Variants in CELF2 observed in about 807,000 individuals in gnomAD.
CELF2 encodes the protein CUG triplet repeat RNA-binding protein 2.
In CELF2, 8 loss-of-function variants were observed where a neutral mutation model predicts 62.6. That is an observed-to-expected ratio of 0.13 (90% CI 0.07 to 0.23). The LOEUF is 0.23. Among genes scored for constraint, CELF2 ranks in the 10% least tolerant of loss-of-function variants. The probability of loss-of-function intolerance (pLI) is 1.00; values close to 1 mark genes in which losing one functional copy is unlikely to be tolerated. For synonymous variants in CELF2, 258 were observed against 250.0 expected (o/e 1.03, Z -0.30); for missense variants, 333 against 671.0 (o/e 0.50, Z 5.56).
chr10:10,559,590 C>T, the CELF2 span, among the ~76,000 whole-genome samples: 2 of 152,058 alleles, frequency 1.3e-5, no homozygotes, highest in African/African-American at 4.8e-5. Flanking sequence ...CAGCAGTGAT[C>T]CTAATACATG....
At chr10:10,797,727 G>T (rs1053393238), upstream of CELF2, among the ~76,000 whole-genome samples, 2 of 152,206 alleles carry the variant, frequency 1.3e-5, no homozygotes, top group Non-Finnish European at 2.9e-5. Context: ...AGGAGGAAGA[G>T]CTTCAGCTGC....
chr10:11,103,860 A>G (rs1318682929), intron 1 of CELF2, among the ~76,000 whole-genome samples: 1 of 152,190 alleles, frequency 6.6e-6, no homozygotes, highest in East Asian at 1.9e-4. Flanking sequence ...GAGACATGAT[A>G]CTGTTACTGG....
intron 1 of CELF2, among the ~76,000 whole-genome samples, chr10:11,141,223 G>T (rs1385913328): frequency 6.6e-6 from 1 of 152,144 alleles, no homozygotes; most frequent in Admixed American, 6.5e-5. Flanking sequence ...CTATGCTGGG[G>T]TTACTGGATG....
intron 2 of CELF2, among the ~76,000 whole-genome samples, chr10:11,184,107 G>T (rs2074219177): frequency 6.6e-6 from 1 of 152,100 alleles, no homozygotes; most frequent in African/African-American, 2.4e-5. Context: ...ATTATTTATT[G>T]AAGTTCATCT....
the CELF2 span, among the ~76,000 whole-genome samples, chr10:10,478,374 G>A: frequency 2.6e-5 from 4 of 152,056 alleles, no homozygotes; most frequent in Admixed American, 1.3e-4. Flanking sequence ...GATTTGTGCC[G>A]ATTGATATTC....
upstream of CELF2, among the ~76,000 whole-genome samples, chr10:10,797,670 C>G (rs576205832): frequency 1.5e-3 from 224 of 152,312 alleles, no homozygotes; most frequent in African/African-American, 5.3e-3. Context: ...CCGGAAGCCA[C>G]TGGACCAGAT....
the CELF2 span, among the ~76,000 whole-genome samples, chr10:10,710,169 T>C: frequency 6.6e-6 from 1 of 152,180 alleles, no homozygotes; most frequent in Non-Finnish European, 1.5e-5. Context: ...ATGCTTTAAA[T>C]ACCAAACAAA....
intron 3 of CELF2, among the ~76,000 whole-genome samples, chr10:11,241,076 G>A (rs554678022): frequency 3.3e-5 from 5 of 152,314 alleles, no homozygotes; most frequent in African/African-American, 7.2e-5. Flanking sequence ...TGCATAAAGA[G>A]CCTGTAGAGT....
Position 11,142,041 on chromosome 10 carries a change from A to T in CELF2, c.75-23445A>T, listed in dbSNP as rs116098818. On this transcript the variant is annotated intron_variant, in intron 1 of 12. Transcript: ENST00000633077. ...TGGCAAGATGCCTTCCCACGACATCATACTTTCCCACTTGTTAAGTAATAC... is the reference window on the plus strand; with the variant it reads ...TGGCAAGATGCCTTCCCACGACATCTTACTTTCCCACTTGTTAAGTAATAC... Among the ~76,000 whole-genome samples, 1,115 of 152,354 alleles carry T rather than the reference A, an allele frequency of 7.3e-3. 12 individuals carry two copies. The highest frequency in any genetic ancestry group is 0.026 in the African/African-American group (1,072 of 41,578).
rs1052017012 is a variant in CELF2, at chr10:11,211,248, T to C, written c.272-6177T>C. Among the ~76,000 whole-genome samples, 1 of 152,246 alleles carries C rather than the reference T, an allele frequency of 6.6e-6. No homozygotes were observed. The highest frequency in any genetic ancestry group is 1.5e-5 in the Non-Finnish European group (1 of 68,050). On this transcript the variant is annotated intron_variant, in intron 2 of 12. Coordinates refer to ENST00000633077, the MANE Select transcript of CELF2 (RefSeq NM_001326342.2). The surrounding 1 kb of genome is among the most constrained non-coding windows in gnomAD (Gnocchi z 4.8). ...GAACTATGATTGCACCACTGCACTCTAACCTGGGGAACAGAGTGAGATCCT... is the reference window on the plus strand; with the variant it reads ...GAACTATGATTGCACCACTGCACTCCAACCTGGGGAACAGAGTGAGATCCT...
the CELF2 span, among the ~76,000 whole-genome samples, chr10:10,728,011 T>C: frequency 6.6e-6 from 1 of 151,844 alleles, no homozygotes; most frequent in East Asian, 1.9e-4. Context: ...TAGCCACAGG[T>C]AGAGGTGTCA....
At chr10:10,705,499 G>A in the CELF2 span, among the ~76,000 whole-genome samples, 2 of 152,108 alleles carry the variant, frequency 1.3e-5, no homozygotes, top group Non-Finnish European at 2.9e-5. Flanking sequence ...GGAGAGAGAG[G>A]GAGTGGTGGA....
intron 2 of CELF2, among the ~76,000 whole-genome samples, chr10:11,216,283 C>G (rs2063339233): frequency 6.6e-6 from 1 of 152,170 alleles, no homozygotes; most frequent in East Asian, 1.9e-4. Flanking sequence ...CTTTAGAAAT[C>G]TTGTATGAAT....
intron 8 of CELF2, among the ~76,000 whole-genome samples, chr10:11,275,908 A>G (rs2085898860): frequency 6.6e-6 from 1 of 152,140 alleles, no homozygotes; most frequent in Non-Finnish European, 1.5e-5. Context: ...GCCGTGAGGA[A>G]CGGTCAGAGA....
chr10:10,507,413 G>T, the CELF2 span, among the ~76,000 whole-genome samples: 2 of 152,088 alleles, frequency 1.3e-5, no homozygotes, highest in Non-Finnish European at 2.9e-5. Context: ...AGGCCTGGAG[G>T]TAAATGAGCT....
At chr10:10,980,189 C>T (rs987504113) in intron 2 of CELF2, among the ~76,000 whole-genome samples, 8 of 152,214 alleles carry the variant, frequency 5.3e-5, no homozygotes, top group African/African-American at 1.7e-4. Context: ...CAGATCATTC[C>T]GGCAGCCAGC....
the CELF2 span, among the ~76,000 whole-genome samples, chr10:10,678,081 G>C: frequency 2.6e-5 from 4 of 152,152 alleles, 1 homozygote; most frequent in East Asian, 7.7e-4. Context: ...TGCTTCTTTG[G>C]CATATTCTGA....
the CELF2 span, among the ~76,000 whole-genome samples, chr10:10,552,782 G>A: frequency 2.0e-5 from 3 of 152,192 alleles, no homozygotes; most frequent in Admixed American, 6.5e-5. Context: ...CATTTACTGA[G>A]TGTCTTCTAT....
intron 1 of CELF2, among the ~76,000 whole-genome samples, chr10:11,116,549 A>G (rs1365160775): frequency 6.6e-6 from 1 of 152,216 alleles, no homozygotes; most frequent in East Asian, 1.9e-4. Context: ...CGCTAGTGCC[A>G]CAGCTGGGTG....
Sources: gnomAD v4.1 joint callset for allele counts (sites outside exome capture counted in the v4.1 genomes callset) on GRCh38, gnomAD v4.1.1 for gene constraint, Gnocchi (gnomAD v3.1) non-coding constraint, MANE v1.5 for transcripts, NCBI Gene and HGNC (gene_info 2026-07-23, HGNC 2026-07-21) for gene names.